Variants in CEBPZOS observed in about 807,000 individuals in gnomAD.
The protein encoded by CEBPZOS is protein CEBPZOS.
CEBPZOS carries 10 observed loss-of-function variants against 4.8 expected under a neutral mutation model. The observed-to-expected ratio is 2.07, with a 90% CI of 1.28 to 3.52. The LOEUF (loss-of-function observed/expected upper bound fraction) is 3.52, where lower values mean the gene tolerates loss of function less well. CEBPZOS is among the 30% of genes most tolerant of loss of function. CEBPZOS has a pLI of 0.00. For missense variants in CEBPZOS, 98 were observed against 43.6 expected (o/e 2.25, Z -3.51); for synonymous variants, 25 against 14.2 (o/e 1.77, Z -1.72).
chr2:37,209,465 A>C (rs1677648296), downstream of CEBPZOS: 1 of 152,234 alleles, frequency 6.6e-6, no homozygotes, highest in Non-Finnish European at 1.5e-5. Context: ...AATGGAACAG[A>C]ATAGAGAACC....
At chr2:37,198,855 T>A (rs960149652) in intron 1 of CEBPZOS, among the ~76,000 whole-genome samples, 1 of 152,174 alleles carries the variant, frequency 6.6e-6, no homozygotes, top group African/African-American at 2.4e-5. Flanking sequence ...GTATAAAAAT[T>A]ACTGCGTGTC....
intron 1 of CEBPZOS, among the ~76,000 whole-genome samples, chr2:37,197,790 C>T (rs1677019563): frequency 6.6e-6 from 1 of 152,140 alleles, no homozygotes; most frequent in Non-Finnish European, 1.5e-5. Context: ...CACTTGAACC[C>T]GGGAGACGGA....
Position 37,202,876 on chromosome 2 carries a change from A to G in CEBPZOS, c.*1016A>G. The G allele has an allele frequency of 1.3e-6, 2 of 1,597,414 alleles. No individual in the cohort carries two copies. Among genetic ancestry groups the G allele is most frequent in the Admixed American group, 1.7e-5 (1 of 57,774 alleles). On this transcript the variant is annotated 3_prime_UTR_variant, in exon 5 of 5. Coordinates refer to ENST00000402297, the MANE Select transcript of CEBPZOS (RefSeq NM_001322374.2). ...CAATAGATGGCCAAACTTTTAAACA[A>G]AAACGATAAATTTATTAGAAAACTA...
chr2:37,213,924 GT>G, downstream of CEBPZOS: 1 of 1,588,646 alleles, frequency 6.3e-7, no homozygotes, highest in Non-Finnish European at 8.5e-7. Flanking sequence ...TCTGCATCCC[GT>G]TTTTGTTTCT....
Position 37,201,874 on chromosome 2 carries a change from G to A in CEBPZOS, c.*14G>A, listed in dbSNP as rs1677261721. ...TCTCTGTTGTGTAGCCAGTCATCAC[G>A]TTCAGCCTCCCATCTAAGCTGTTTG... On this transcript the variant is annotated 3_prime_UTR_variant, in exon 5 of 5. Transcript: ENST00000402297. 10 of 1,613,304 alleles carry A rather than the reference G, an allele frequency of 6.2e-6. No individual in the cohort carries two copies. Among genetic ancestry groups the A allele is most frequent in the African/African-American group, 2.7e-5 (2 of 74,734 alleles).
At chr2:37,212,280 A>G in intron 4 of CEBPZOS, 3 of 1,491,230 alleles carry the variant, frequency 2.0e-6, no homozygotes, top group Non-Finnish European at 2.8e-6. Flanking sequence ...GTTCTGAGGG[A>G]CAACAATTTG....
At chr2:37,198,114 C>A (rs1341738900) in intron 1 of CEBPZOS, among the ~76,000 whole-genome samples, 1 of 151,952 alleles carries the variant, frequency 6.6e-6, no homozygotes, top group South Asian at 2.1e-4. Context: ...GAGCCAAGAT[C>A]GCGCCACTGC....
downstream of CEBPZOS, among the ~76,000 whole-genome samples, chr2:37,208,122 G>A (rs1248070809): frequency 6.6e-6 from 1 of 152,082 alleles, no homozygotes; most frequent in Non-Finnish European, 1.5e-5. Flanking sequence ...ACTCTGAACA[G>A]ACCAATAACA....
Position 37,204,495 on chromosome 2 carries a change from CT to C in CEBPZOS, c.*2637del, listed in dbSNP as rs1677456598. On this transcript the variant is annotated 3_prime_UTR_variant, in exon 5 of 5. Transcript: ENST00000402297. ...GTTTCATCATGTTGGCCAGGATGGT[CT>C]TGATCTCTTGACCTTGTGATCTACC... 1 of 130,470 alleles carries C rather than the reference CT, an allele frequency of 7.7e-6. No individual in the cohort carries two copies. Among genetic ancestry groups the C allele is most frequent in the African/African-American group, 2.7e-5 (1 of 37,684 alleles). 8.1% of individuals were successfully genotyped at this position (130,470 alleles called of 1,614,324 possible). A position where few individuals can be genotyped will look rare whatever the true frequency, so the allele number is the denominator to read the frequency against.
At position 37,202,648 on chromosome 2, in the gene CEBPZOS, A is replaced by T; in HGVS notation, c.*788A>T. 1 of 21,792 alleles carries T rather than the reference A, an allele frequency of 4.6e-5. No homozygotes were observed. 1.3% of individuals were successfully genotyped at this position (21,792 alleles called of 1,614,324 possible). ...CAAGGGAGTGAGACGCTGTCTCAAA[A>T]AAAAAAAAAAAAAAAAAAAAAAAAA... is the stretch of plus-strand genomic sequence containing the variant. On this transcript the variant is annotated 3_prime_UTR_variant, in exon 5 of 5. Transcript: ENST00000402297.
chr2:37,211,700 G>T, intron 4 of CEBPZOS: 1 of 599,568 alleles, frequency 1.7e-6, no homozygotes, highest in South Asian at 2.8e-5. Context: ...AAACGAGAAG[G>T]GAAAAGGTCC....
intron 1 of CEBPZOS, chr2:37,198,821 A>G (rs1677073707): frequency 6.6e-6 from 1 of 152,210 alleles, no homozygotes; most frequent in African/African-American, 2.4e-5. Context: ...TCACCCAATC[A>G]GTTTCCATCC....
chr2:37,212,561 C>A, intron 4 of CEBPZOS: 1 of 578,222 alleles, frequency 1.7e-6, no homozygotes, highest in South Asian at 2.3e-5. Flanking sequence ...GTATACAAAC[C>A]TGTGAAATAC....
At chr2:37,206,218 C>T (rs1159646760), downstream of CEBPZOS, among the ~76,000 whole-genome samples, 2 of 152,170 alleles carry the variant, frequency 1.3e-5, no homozygotes, top group African/African-American at 4.8e-5. Flanking sequence ...GACAGAACAG[C>T]GTGTGGCAAC....
At chr2:37,215,001 A>G, downstream of CEBPZOS, 1 of 1,181,584 alleles carries the variant, frequency 8.5e-7, no homozygotes, top group Non-Finnish European at 1.3e-6. Flanking sequence ...AATCCCCTTT[A>G]TGTTACTCAA....
Position 37,202,612 on chromosome 2 carries a change from T to C in CEBPZOS, c.*752T>C. On this transcript the variant is annotated 3_prime_UTR_variant, in exon 5 of 5. Coordinates refer to ENST00000402297, the MANE Select transcript of CEBPZOS (RefSeq NM_001322374.2). ...GTGAGCCAAGATCATGCCACTGCAT[T>C]CCAACCTGGGCAAGGGAGTGAGACG... 4.6e-6 allele frequency: 2 copies of C among 435,360 alleles called. No individual in the cohort carries two copies. Among genetic ancestry groups the C allele is most frequent in the South Asian group, 3.1e-5 (1 of 32,310 alleles). 27.0% of individuals were successfully genotyped at this position (435,360 alleles called of 1,614,324 possible).
chr2:37,216,077 C>G (rs1477341610), downstream of CEBPZOS: 2 of 1,173,880 alleles, frequency 1.7e-6, no homozygotes, highest in Non-Finnish European at 2.5e-6. Context: ...AAGAATAATA[C>G]AATTTATGCA....
At chr2:37,214,931 G>C (rs566694344), downstream of CEBPZOS, 7 of 1,608,346 alleles carry the variant, frequency 4.4e-6, no homozygotes, top group Middle Eastern at 1.7e-4. Context: ...TTCTTCTTTT[G>C]CAAGGAACTC....
At position 37,202,187 on chromosome 2, in the gene CEBPZOS, A is replaced by T; in HGVS notation, c.*327A>T. On this transcript the variant is annotated 3_prime_UTR_variant, in exon 5 of 5. Transcript: ENST00000402297. ...GAAATAAAAACCAGTAACAATCAAT[A>T]TGTAAAAACGGCCCACTTCCCTAAA... 4.6e-6 allele frequency: 1 copy of T among 217,628 alleles called. No homozygotes were observed. The allele number at this position is 217,628 out of a possible 1,614,324, so 13.5% of individuals were successfully genotyped here. A position where few individuals can be genotyped will look rare whatever the true frequency, so the allele number is the denominator to read the frequency against.
Sources: allele counts gnomAD v4.1 joint callset (sites outside exome capture counted in the v4.1 genomes callset), GRCh38; gene constraint gnomAD v4.1.1; transcripts MANE v1.5; gene names NCBI Gene and HGNC (gene_info 2026-07-23, HGNC 2026-07-21).